Variants in KANK1 observed in about 807,000 individuals in gnomAD.
The protein encoded by KANK1 is KN motif and ankyrin repeat domain-containing protein 1.
In KANK1, 109 loss-of-function variants were observed where a neutral mutation model predicts 106.2. The observed-to-expected ratio is 1.03, with a 90% CI of 0.88 to 1.20. The LOEUF is 1.20. Among genes scored for constraint, KANK1 ranks in the 50% most tolerant of loss-of-function variants. The pLI is 0.00. For missense variants in KANK1, 2,399 were observed against 1,710.7 expected (o/e 1.40, Z -7.10); for synonymous variants, 873 against 652.2 (o/e 1.34, Z -5.16).
At chr9:733,782 C>A (rs762570975) in intron 6 of KANK1, 2 of 152,074 alleles carry the variant, frequency 1.3e-5, no homozygotes, top group East Asian at 3.9e-4. Context: ...TAATTTGGGT[C>A]TCCTTCAACC....
chr9:534,065 G>C lies in KANK1; in HGVS notation c.-84+29311G>C, dbSNP rs9408615. Among the ~76,000 whole-genome samples, 39 of 151,984 alleles carry C rather than the reference G, an allele frequency of 2.6e-4. No individual in the cohort carries two copies. In the East Asian group the frequency reaches 2.7e-3, roughly 11 times the overall value. On this transcript the variant is annotated intron_variant, in intron 1 of 11. Transcript: ENST00000382297. ...CAGAAGCTTGCAGATTGGGAGAAAG[G>C]GGGGGGCAGAACCAGTTGTTTTCAG...
At chr9:560,779 GAAA>G (rs34890353) in intron 1 of KANK1, among the ~76,000 whole-genome samples, 1 of 148,406 alleles carries the variant, frequency 6.7e-6, no homozygotes, top group Admixed American at 6.7e-5. Flanking sequence ...CATCAGGATA[GAAA>G]AAAAAAAAGG....
intron 1 of KANK1, among the ~76,000 whole-genome samples, chr9:578,545 G>A (rs1300300053): frequency 1.3e-5 from 2 of 151,646 alleles, no homozygotes; most frequent in African/African-American, 2.4e-5. Context: ...TATTCTAATT[G>A]TTTTCCCCTG....
At position 671,623 on chromosome 9, in the gene KANK1, A is replaced by AAAAAAAAAAAAAAAAAG. The variant is rs79437342; in HGVS notation, c.-83-5263_-83-5262insAAAAAAAAAAAAGAAAA. Among the ~76,000 whole-genome samples, 105 of 103,586 alleles carry AAAAAAAAAAAAAAAAAG rather than the reference A, an allele frequency of 1.0e-3. 6 individuals carry two copies. The highest frequency in any genetic ancestry group is 9.3e-3 in the East Asian group (29 of 3,114). The allele number at this position is 103,586 out of a possible 152,430, so 68.0% of individuals were successfully genotyped here. ...AGAGCGAAACTCCGTCTCAAAAAAA[A>AAAAAAAAAAAAAAAAAG]AAAAGAGTGTACTGGTTAAGTACTG... On this transcript the variant is annotated intron_variant, in intron 1 of 11. Coordinates refer to ENST00000382297, the MANE Select transcript of KANK1 (RefSeq NM_015158.5).
At chr9:556,647 A>T (rs1563763930) in intron 1 of KANK1, among the ~76,000 whole-genome samples, 2 of 151,030 alleles carry the variant, frequency 1.3e-5, no homozygotes, top group Admixed American at 6.6e-5. Context: ...TAATTCTGTC[A>T]TTTGTCCAGT....
chr9:592,053 C>G lies in KANK1; in HGVS notation c.-83-84837C>G, dbSNP rs190995930. ...GGGACCTTGTCTGTGTTGACCACAG[C>G]GAGGTCTCTAGTGCTTAACATGTGG... On this transcript the variant is annotated intron_variant, in intron 1 of 11. Transcript: ENST00000382297. 4.6e-5 allele frequency among the ~76,000 whole-genome samples: 7 copies of G among 151,852 alleles called. No homozygotes were observed. In the East Asian group the frequency reaches 1.4e-3, roughly 29 times the overall value.
intron 2 of KANK1, among the ~76,000 whole-genome samples, chr9:692,700 TTTC>T (rs1293738385): frequency 8.4e-6 from 1 of 119,290 alleles, no homozygotes; most frequent in African/African-American, 2.9e-5. Flanking sequence ...ACAGAAATGT[TTTC>T]TTCTGCTTTT....
At chr9:666,347 T>C (rs905403827) in intron 1 of KANK1, among the ~76,000 whole-genome samples, 6 of 152,212 alleles carry the variant, frequency 3.9e-5, no homozygotes. Context: ...ACTTATTACT[T>C]CTAATAGTTT....
At chr9:471,591 G>T (rs2058022128) in intron 2 of KANK1, 1 of 152,180 alleles carries the variant, frequency 6.6e-6, no homozygotes, top group Non-Finnish European at 1.5e-5. Context: ...TTTGAGGTGA[G>T]TTGGCATTTT....
In KANK1 at chr9:504,967, G is replaced by A. The variant is rs181321384; in HGVS notation, c.-84+213G>A. 0.034 allele frequency among the ~76,000 whole-genome samples: 5,161 copies of A among 151,032 alleles called. 271 individuals are homozygous for A. Among genetic ancestry groups the A allele is most frequent in the African/African-American group, 0.12 (4,866 of 41,380 alleles). On this transcript the variant is annotated intron_variant, in intron 1 of 11. Coordinates refer to ENST00000382297, the MANE Select transcript of KANK1 (RefSeq NM_015158.5). ...GCGGCCTCGGGGCGGTCCTGGGGGG[G>A]GGTCCGAGAGGTGGCGTCGGCCCCG...
upstream of KANK1, among the ~76,000 whole-genome samples, chr9:504,544 G>C (rs1197582080): frequency 6.7e-6 from 1 of 150,342 alleles, no homozygotes; most frequent in Non-Finnish European, 1.5e-5. Flanking sequence ...GCGCCGCTCC[G>C]GGGCGCAGCC....
At chr9:670,480 C>A (rs1845621563) in intron 1 of KANK1, among the ~76,000 whole-genome samples, 1 of 152,148 alleles carries the variant, frequency 6.6e-6, no homozygotes. Context: ...CTCTGTTCTT[C>A]TAGCAAAGGA....
At chr9:607,627 T>C (rs1056983767) in intron 1 of KANK1, among the ~76,000 whole-genome samples, 4 of 151,636 alleles carry the variant, frequency 2.6e-5, no homozygotes, top group African/African-American at 9.8e-5. Context: ...TACCTGCACA[T>C]GTGCCTCACC....
At chr9:658,643 A>G (rs1232748379) in intron 1 of KANK1, among the ~76,000 whole-genome samples, 2 of 152,014 alleles carry the variant, frequency 1.3e-5, no homozygotes. Context: ...TTCATTTGGA[A>G]TTAACTTTTG....
In KANK1 at chr9:682,204, C is replaced by T. The variant is rs191095606; in HGVS notation, c.37+5195C>T. The stretch of plus-strand genomic sequence containing the variant: ...CTGAGGCAGGAGAATTGCTTGAACC[C>T]GGGAGACGAAGGTTGCAGTGTCCCG... On this transcript the variant is annotated intron_variant, in intron 2 of 11. Transcript: ENST00000382297. Among the ~76,000 whole-genome samples the T allele has an allele frequency of 4.6e-5, 7 of 151,550 alleles. No individual in the cohort carries two copies. In the East Asian group the frequency reaches 7.8e-4, roughly 17 times the overall value.
intron 2 of KANK1, among the ~76,000 whole-genome samples, chr9:682,202 C>G (rs550876242): frequency 6.6e-6 from 1 of 151,936 alleles, no homozygotes; most frequent in African/African-American, 2.4e-5. Flanking sequence ...ATTGCTTGAA[C>G]CCGGGAGACG....
At chr9:472,285 C>T (rs1302493477) in intron 2 of KANK1, among the ~76,000 whole-genome samples, 4 of 152,228 alleles carry the variant, frequency 2.6e-5, no homozygotes, top group South Asian at 2.1e-4. Context: ...AGAAGCAAGG[C>T]GTAGCCTCAG....
At chr9:740,621 G>C (rs1366517917) in intron 8 of KANK1, among the ~76,000 whole-genome samples, 171 bp from the exon 9 acceptor site, 1 of 152,154 alleles carries the variant, frequency 6.6e-6, no homozygotes, top group Non-Finnish European at 1.5e-5. Context: ...AAAAGTTTTT[G>C]GTTTAGTATG....
At chr9:698,216 G>T (rs1255897845) in intron 2 of KANK1, among the ~76,000 whole-genome samples, 2 of 152,182 alleles carry the variant, frequency 1.3e-5, no homozygotes, top group Admixed American at 6.5e-5. Context: ...GGCTGTCAGG[G>T]TCGGTGTTGT....
Sources: allele counts gnomAD v4.1 joint callset (sites outside exome capture counted in the v4.1 genomes callset), GRCh38; gene constraint gnomAD v4.1.1; transcripts MANE v1.5; gene names NCBI Gene and HGNC (gene_info 2026-07-23, HGNC 2026-07-21).